CHD1L: variants seen among roughly 807,000 people sequenced by gnomAD.
CHD1L encodes ATP-dependent chromatin remodeler CHD1L.
In CHD1L, 118 loss-of-function variants were observed where a neutral mutation model predicts 115.9. The observed-to-expected ratio is 1.02, with a 90% CI of 0.88 to 1.19. CHD1L has a LOEUF of 1.19. Ranked by LOEUF, CHD1L falls within the 50% of genes most tolerant of loss-of-function variation. The pLI is 0.00. For synonymous variants in CHD1L, 411 were observed against 387.1 expected, an observed-to-expected ratio of 1.06 and a Z score of -0.72; for missense variants, 1,179 against 1,065.3, an observed-to-expected ratio of 1.11 and a Z score of -1.49.
chr1:147,254,936 C>T lies in CHD1L; in HGVS notation c.307C>T (p.Pro103Ser), dbSNP rs370027194. 2.5e-5 allele frequency: 40 copies of T among 1,610,034 alleles called. No individual in the cohort carries two copies. In the African/African-American group the frequency reaches 4.5e-4, roughly 18 times the overall value. ...NDEGPFLILC[P>S]LSVLSNWKEE... is the part of the protein sequence containing the mutation. ...TGAAGGGCCATTTCTGATTCTTTGT[C>T]CCTTGTCTGTTTTGAGCAACTGGAA... The change falls in exon 3 of 23, where the codon CCC (proline) becomes TCC (serine). Residue 103 changes from proline to serine, a missense_variant. Coordinates refer to ENST00000369258, the MANE Select transcript of CHD1L (RefSeq NM_004284.6).
At chr1:147,204,280 A>G in the CHD1L span, 18 of 995,274 alleles carry the variant, frequency 1.8e-5, no homozygotes, top group Admixed American at 1.0e-4. Flanking sequence ...CATGCCATGC[A>G]ATACTGAAGA....
rs1005648977 is a variant in CHD1L at position 147,273,822 on chromosome 1, T to G, written c.1271-1532T>G. ...CACTGTTGTGTTTGCTGTCACAGTT[T>G]TGTTGTAGTTTTGCAGTATTTTCAT... On this transcript the variant is annotated intron_variant, in intron 12 of 22. Coordinates refer to ENST00000369258, the MANE Select transcript of CHD1L (RefSeq NM_004284.6). 5.9e-5 allele frequency among the ~76,000 whole-genome samples: 9 copies of G among 152,324 alleles called. No homozygotes were observed. In the East Asian group the frequency reaches 1.5e-3, roughly 26 times the overall value.
chr1:147,224,388 A>G, the CHD1L span: 1 of 157,608 alleles, frequency 6.3e-6, no homozygotes, highest in Non-Finnish European at 1.4e-5. Context: ...AATAAAAAGA[A>G]TAAAAATTCT....
intron 19 of CHD1L, among the ~76,000 whole-genome samples, chr1:147,289,226 T>TTTAA (rs144374887): frequency 0.18 from 26,935 of 151,838 alleles, 3,026 homozygotes; most frequent in Middle Eastern, 0.26. Context: ...GGAGTCTGTG[T>TTTAA]TTAAAATCAT....
At chr1:147,178,527 T>C in the CHD1L span, 677 of 1,611,206 alleles carry the variant, frequency 4.2e-4, 2 homozygotes, top group Non-Finnish European at 3.9e-4. Flanking sequence ...CTTCAGTGCC[T>C]CTCAGGACTG....
the CHD1L span, chr1:147,184,271 A>G: frequency 3.1e-6 from 1 of 326,554 alleles, no homozygotes; most frequent in South Asian, 1.2e-4. The surrounding 1 kb of genome is among the most constrained non-coding windows in gnomAD (Gnocchi z 4.4). Flanking sequence ...TTTAGATTTA[A>G]GAAAAGTTGC....
intron 18 of CHD1L, 22 bp from the exon 19 acceptor site, chr1:147,287,613 A>T: frequency 6.3e-7 from 1 of 1,599,548 alleles, no homozygotes; most frequent in Non-Finnish European, 8.5e-7. Context: ...TATAGATGAA[A>T]ATTTTCTCTT....
chr1:147,214,847 A>G, the CHD1L span: 3 of 152,012 alleles, frequency 2.0e-5, no homozygotes, highest in African/African-American at 7.2e-5. Flanking sequence ...TTGTCTTTGC[A>G]TATTCAATGC....
At chr1:147,288,147 A>G (rs1683982873) in intron 19 of CHD1L, among the ~76,000 whole-genome samples, 1 of 151,856 alleles carries the variant, frequency 6.6e-6, no homozygotes, top group Admixed American at 6.6e-5. Flanking sequence ...CAACATAGTG[A>G]GATCCTGTCT....
At chr1:147,242,894 C>T (rs1665190544) in intron 1 of CHD1L, 64 bp downstream of exon 1, 6 of 1,241,182 alleles carry the variant, frequency 4.8e-6, no homozygotes, top group Non-Finnish European at 6.1e-6. Context: ...CTCTTGCGGG[C>T]CGGGGGCGCA....
chr1:147,276,185 C>A lies in CHD1L; in HGVS notation c.1467C>A (p.Leu489=), dbSNP rs782322847. 1 of 1,614,156 alleles carries A rather than the reference C, an allele frequency of 6.2e-7. No individual in the cohort carries two copies. The highest frequency in any genetic ancestry group is 1.7e-5 in the Admixed American group (1 of 60,032). The change falls in exon 14 of 23, where the codon CTC becomes CTA. Residue 489 remains leucine, a synonymous_variant. Coordinates refer to ENST00000369258, the MANE Select transcript of CHD1L (RefSeq NM_004284.6). ...VYRKAASKLQ[L]TNMIIEGGHF... ...GGAAAGCAGCCTCCAAACTGCAGCT[C>A]ACCAACATGATCATAGAAGGAGGCC...
the CHD1L span, chr1:147,209,142 C>T: frequency 4.1e-4 from 460 of 1,130,838 alleles, 1 homozygote; most frequent in Non-Finnish European, 5.0e-4. Flanking sequence ...ATTTCAGGCC[C>T]GGCGCGGTGG....
chr1:147,265,698 G>T lies in CHD1L; in HGVS notation c.740-234G>T, dbSNP rs10159076. Reference sequence around the variant, plus strand: ...GGAAACAAAACAGCTTTGTGCAAATGAGATAAGAAGTTATTTGAGTGTTCC... The same window carrying T: ...GGAAACAAAACAGCTTTGTGCAAATTAGATAAGAAGTTATTTGAGTGTTCC... On this transcript the variant is annotated intron_variant, in intron 7 of 22. Coordinates refer to ENST00000369258, the MANE Select transcript of CHD1L (RefSeq NM_004284.6). Among the ~76,000 whole-genome samples, 6,225 of 152,238 alleles carry T rather than the reference G, an allele frequency of 0.041. 306 individuals carry two copies. The highest frequency in any genetic ancestry group is 0.17 in the East Asian group (875 of 5,172).
the CHD1L span, chr1:147,224,133 TC>T: frequency 3.1e-6 from 1 of 319,628 alleles, no homozygotes. Context: ...GGATGTCTAG[TC>T]CACAGGAAGA....
intron 19 of CHD1L, among the ~76,000 whole-genome samples, chr1:147,289,968 G>C (rs1285115144): frequency 6.6e-6 from 1 of 152,138 alleles, no homozygotes; most frequent in East Asian, 1.9e-4. Context: ...TCGTTTTGGG[G>C]GATTTGATCA....
intron 19 of CHD1L, among the ~76,000 whole-genome samples, chr1:147,289,236 T>G (rs1684567286): frequency 6.7e-6 from 1 of 149,606 alleles, no homozygotes; most frequent in Non-Finnish European, 1.5e-5. Context: ...TTTAAAATCA[T>G]GTGGGAGAGA....
intron 19 of CHD1L, among the ~76,000 whole-genome samples, chr1:147,291,189 C>T (rs75246055): frequency 0.019 from 2,903 of 152,170 alleles, 90 homozygotes; most frequent in African/African-American, 0.066. Flanking sequence ...CATAGTGCTC[C>T]CTCCCCAAAG....
chr1:147,235,119 G>A, the CHD1L span, among the ~76,000 whole-genome samples: 22 of 149,020 alleles, frequency 1.5e-4, no homozygotes, highest in Non-Finnish European at 2.7e-4. Flanking sequence ...GTGTGTGTGT[G>A]TGTATGTGTG....
intron 6 of CHD1L, among the ~76,000 whole-genome samples, chr1:147,263,972 A>G (rs933950607): frequency 6.6e-6 from 1 of 152,200 alleles, no homozygotes; most frequent in Non-Finnish European, 1.5e-5. Flanking sequence ...CCTATTATAA[A>G]TCTTACTTAT....
Sources: allele counts gnomAD v4.1 joint callset (sites outside exome capture counted in the v4.1 genomes callset), GRCh38; gene constraint gnomAD v4.1.1; non-coding constraint Gnocchi (gnomAD v3.1); transcripts MANE v1.5; gene names NCBI Gene and HGNC (gene_info 2026-07-23, HGNC 2026-07-21).